ZNF423: variants seen among roughly 807,000 people sequenced by gnomAD.
ZNF423 encodes zinc finger protein 423.
Under a neutral mutation model 95.8 loss-of-function variants are expected in ZNF423, and 12 were observed. The observed-to-expected ratio is 0.13, with a 90% CI of 0.08 to 0.20. ZNF423 has a LOEUF of 0.20. Ranked by LOEUF, ZNF423 falls within the 10% of genes least tolerant of loss-of-function variation. The probability of loss-of-function intolerance (pLI) is 1.00; values close to 1 mark genes in which losing one functional copy is unlikely to be tolerated. For missense variants in ZNF423, 1,316 were observed against 1,737.1 expected (o/e 0.76, Z 4.31); for synonymous variants, 749 against 711.9 (o/e 1.05, Z -0.83).
At chr16:49,723,009 G>T (rs1413755198) in intron 3 of ZNF423, among the ~76,000 whole-genome samples, 2 of 142,750 alleles carry the variant, frequency 1.4e-5, no homozygotes, top group African/African-American at 5.3e-5. Context: ...AGGCTGGAAT[G>T]CAGTGGTGTG....
chr16:49,817,923 C>T (rs1028651988), intron 1 of ZNF423, among the ~76,000 whole-genome samples: 2 of 152,058 alleles, frequency 1.3e-5, no homozygotes, highest in African/African-American at 2.4e-5. Context: ...GCCTCCAACC[C>T]GCCAGTTCAC....
chr16:49,596,972 C>G (rs1258072111), intron 5 of ZNF423, among the ~76,000 whole-genome samples: 2 of 152,232 alleles, frequency 1.3e-5, no homozygotes, highest in Non-Finnish European at 2.9e-5. Flanking sequence ...GGCCACGTGG[C>G]TCCTCTCTGC....
chr16:49,846,349 G>A (rs1197776619), intron 1 of ZNF423, among the ~76,000 whole-genome samples: 4 of 151,396 alleles, frequency 2.6e-5, no homozygotes, highest in Non-Finnish European at 4.4e-5. Context: ...GAGGTAGTGA[G>A]CGCCCTGCGA....
At chr16:49,821,135 T>C (rs2034933789) in intron 1 of ZNF423, among the ~76,000 whole-genome samples, 1 of 151,416 alleles carries the variant, frequency 6.6e-6, no homozygotes, top group South Asian at 2.1e-4. Context: ...TGAAATGGAA[T>C]AAAATTTAAA....
intron 3 of ZNF423, among the ~76,000 whole-genome samples, chr16:49,644,806 G>T (rs72793570): frequency 0.24 from 35,767 of 151,432 alleles, 4,983 homozygotes; most frequent in South Asian, 0.34. Flanking sequence ...CTGCAGGGTC[G>T]CCTGGGTGCA....
chr16:49,646,832 A>G (rs970784356), intron 3 of ZNF423, among the ~76,000 whole-genome samples: 2 of 152,176 alleles, frequency 1.3e-5, no homozygotes, highest in African/African-American at 4.8e-5. Flanking sequence ...TTGGCCTCCC[A>G]AAGTGCTGGG....
intron 5 of ZNF423, among the ~76,000 whole-genome samples, chr16:49,550,068 A>G (rs1392005399): frequency 6.6e-6 from 1 of 152,074 alleles, no homozygotes; most frequent in Non-Finnish European, 1.5e-5. Context: ...GAGTCTTGCT[A>G]TGTTGTCCAA....
intron 2 of ZNF423, among the ~76,000 whole-genome samples, chr16:49,745,197 C>T (rs1393880506): frequency 6.6e-6 from 1 of 152,154 alleles, no homozygotes; most frequent in Non-Finnish European, 1.5e-5. Flanking sequence ...GAAATTCCTC[C>T]CTGGCTCTAA....
At chr16:49,555,859 T>A (rs1567464901) in intron 5 of ZNF423, among the ~76,000 whole-genome samples, 1 of 151,966 alleles carries the variant, frequency 6.6e-6, no homozygotes, top group Non-Finnish European at 1.5e-5. Context: ...ATTGATGGGA[T>A]GAGGAGGTTG....
intron 2 of ZNF423, among the ~76,000 whole-genome samples, chr16:49,767,447 C>G (rs748156228): frequency 3.3e-5 from 5 of 152,216 alleles, no homozygotes; most frequent in Non-Finnish European, 7.3e-5. Context: ...GCCATCATCA[C>G]ACTGATTCAT....
At chr16:49,814,487 T>C (rs1217576975) in intron 1 of ZNF423, among the ~76,000 whole-genome samples, 2 of 134,980 alleles carry the variant, frequency 1.5e-5, no homozygotes, top group African/African-American at 2.8e-5. Flanking sequence ...TGCACCTGCC[T>C]TTTCCAACAA....
chr16:49,689,231 C>G (rs2031683928), intron 3 of ZNF423, among the ~76,000 whole-genome samples: 2 of 151,404 alleles, frequency 1.3e-5, no homozygotes, highest in African/African-American at 4.9e-5. Flanking sequence ...GGCTTGAGCC[C>G]AGGAGTTCCA....
intron 7 of ZNF423, among the ~76,000 whole-genome samples, chr16:49,495,175 G>A (rs1362159268): frequency 2.0e-5 from 3 of 152,152 alleles, no homozygotes; most frequent in South Asian, 2.1e-4. Context: ...AAAATAAAAC[G>A]GGAGAGCAGG....
At position 49,489,346 on chromosome 16, in the gene ZNF423, C is replaced by T. The variant is rs1024995931; in HGVS notation, c.*1929G>A. The T allele has an allele frequency of 1.3e-5, 2 of 152,328 alleles. No individual in the cohort carries two copies. Among genetic ancestry groups the T allele is most frequent in the Non-Finnish European group, 2.9e-5 (2 of 68,160 alleles). 9.4% of individuals were successfully genotyped at this position (152,328 alleles called of 1,614,324 possible). ...ATAGCCCCAGCCCCAGGCCCCAAGC[C>T]CCAGTCCACGGGTGGGCACACTTAG... On this transcript the variant is annotated 3_prime_UTR_variant, in exon 8 of 8. Coordinates refer to ENST00000563137, the MANE Select transcript of ZNF423 (RefSeq NM_001379286.1).
At chr16:49,548,615 A>T (rs1969519348) in intron 5 of ZNF423, among the ~76,000 whole-genome samples, 2 of 152,148 alleles carry the variant, frequency 1.3e-5, no homozygotes, top group African/African-American at 4.8e-5. Context: ...GCACCTCGGG[A>T]GAAAGAGAAG....
intron 2 of ZNF423, among the ~76,000 whole-genome samples, chr16:49,749,524 C>T (rs981069477): frequency 8.5e-5 from 13 of 152,224 alleles, no homozygotes; most frequent in African/African-American, 3.1e-4. Flanking sequence ...ATCTCACTAC[C>T]AGAGCTTGGG....
In ZNF423 at chr16:49,635,696, C is replaced by A; in HGVS notation, c.3480G>T (p.Gly1160=). The A allele has an allele frequency of 6.3e-7, 1 of 1,595,550 alleles. No homozygotes were observed. The highest frequency in any genetic ancestry group is 8.5e-7 in the Non-Finnish European group (1 of 1,172,852). Residue 1160 remains glycine, a synonymous_variant, in exon 4 of 8, where the codon GGG becomes GGT. Coordinates refer to ENST00000563137, the MANE Select transcript of ZNF423 (RefSeq NM_001379286.1). This position sits in a 1 kb window ranked among gnomAD's most constrained non-coding sequence, Gnocchi z 4.8. ...DHRDLTPETS[G]PRKGTQTSPV... ...GCGATGTCTGGGTGCCTTTCCGGGGCCCACTGGTCTCCGGCGTGAGGTCAC... is the reference window on the plus strand; with the variant it reads ...GCGATGTCTGGGTGCCTTTCCGGGGACCACTGGTCTCCGGCGTGAGGTCAC...
intron 1 of ZNF423, among the ~76,000 whole-genome samples, chr16:49,849,652 G>T (rs1567371229): frequency 6.6e-6 from 1 of 152,104 alleles, no homozygotes; most frequent in Non-Finnish European, 1.5e-5. Flanking sequence ...TCTTGAGGGG[G>T]GTGAGGCAAG....
intron 5 of ZNF423, among the ~76,000 whole-genome samples, chr16:49,571,251 A>C (rs1367531138): frequency 6.6e-6 from 1 of 151,898 alleles, no homozygotes; most frequent in Non-Finnish European, 1.5e-5. Context: ...ACAAGCATCA[A>C]ATGTTTACTG....
Sources: allele counts gnomAD v4.1 joint callset (sites outside exome capture counted in the v4.1 genomes callset), GRCh38; gene constraint gnomAD v4.1.1; non-coding constraint Gnocchi (gnomAD v3.1); transcripts MANE v1.5; gene names NCBI Gene and HGNC (gene_info 2026-07-23, HGNC 2026-07-21).